SPOCK3: variants seen among roughly 807,000 people sequenced by gnomAD.
SPOCK3 encodes the protein SPARC (osteonectin), cwcv and kazal like domains proteoglycan 3, also known as testican-3.
Under a neutral mutation model 56.6 loss-of-function variants are expected in SPOCK3, and 30 were observed. The observed-to-expected ratio is 0.53, with a 90% confidence interval of 0.40 to 0.72. The LOEUF (loss-of-function observed/expected upper bound fraction) is 0.72. Among genes scored for constraint, SPOCK3 ranks in the 30% least tolerant of loss-of-function variants. The pLI is 0.00. For synonymous variants in SPOCK3, 196 were observed against 183.3 expected (o/e 1.07, Z -0.56); for missense variants, 527 against 530.0 (o/e 0.99, Z 0.06).
intron 2 of SPOCK3, among the ~76,000 whole-genome samples, chr4:167,094,986 A>G (rs968619848): frequency 5.9e-5 from 9 of 152,100 alleles, no homozygotes; most frequent in African/African-American, 2.2e-4. Flanking sequence ...TCTGAATCCA[A>G]GTTTGAAGGC....
At chr4:167,041,991 T>A (rs1753271344) in intron 3 of SPOCK3, among the ~76,000 whole-genome samples, 1 of 152,216 alleles carries the variant, frequency 6.6e-6, no homozygotes, top group African/African-American at 2.4e-5. Flanking sequence ...AACAATTTCA[T>A]GTTTAGATTT....
At chr4:167,133,696 T>A (rs931490257) in intron 2 of SPOCK3, among the ~76,000 whole-genome samples, 1 of 152,186 alleles carries the variant, frequency 6.6e-6, no homozygotes, top group Non-Finnish European at 1.5e-5. Flanking sequence ...AAGCTTGTTT[T>A]GTTTTCCCTT....
chr4:167,125,995 T>G (rs2150372172), intron 2 of SPOCK3, among the ~76,000 whole-genome samples: 1 of 152,308 alleles, frequency 6.6e-6, no homozygotes, highest in East Asian at 1.9e-4. Flanking sequence ...ACACACTTTA[T>G]TTTTACTCAT....
At chr4:166,792,466 A>G (rs1352576298) in intron 6 of SPOCK3, among the ~76,000 whole-genome samples, 177 bp from the exon 7 acceptor site, 1 of 152,214 alleles carries the variant, frequency 6.6e-6, no homozygotes, top group African/African-American at 2.4e-5. Flanking sequence ...ATATGACAAA[A>G]ACATTTTACT....
intron 2 of SPOCK3, among the ~76,000 whole-genome samples, chr4:167,069,658 C>T (rs970446686): frequency 2.0e-5 from 3 of 151,894 alleles, no homozygotes; most frequent in Non-Finnish European, 2.9e-5. Flanking sequence ...AGTGCATCTT[C>T]GGATACACAG....
At chr4:166,944,585 C>T (rs1052977866) in intron 4 of SPOCK3, among the ~76,000 whole-genome samples, 24 of 151,960 alleles carry the variant, frequency 1.6e-4, no homozygotes, top group African/African-American at 1.2e-4. Flanking sequence ...TTCCTTTAAA[C>T]ATTATAGATC....
chr4:166,783,389 A>G (rs549376425), intron 7 of SPOCK3, among the ~76,000 whole-genome samples: 20 of 152,292 alleles, frequency 1.3e-4, no homozygotes, highest in Non-Finnish European at 2.4e-4. Context: ...GGAAAACCAT[A>G]TAACTCAGGC....
At chr4:166,926,280 G>C (rs1055571602) in intron 4 of SPOCK3, among the ~76,000 whole-genome samples, 1 of 152,042 alleles carries the variant, frequency 6.6e-6, no homozygotes, top group Non-Finnish European at 1.5e-5. Context: ...TATTCATTGA[G>C]TCTCATATTC....
intron 2 of SPOCK3, among the ~76,000 whole-genome samples, chr4:167,229,844 C>T (rs986942403): frequency 2.0e-5 from 3 of 152,008 alleles, no homozygotes; most frequent in African/African-American, 7.2e-5. Flanking sequence ...GGATATTAAA[C>T]ATCACTTAAG....
intron 6 of SPOCK3, among the ~76,000 whole-genome samples, chr4:166,800,408 A>T (rs1021472398): frequency 2.0e-5 from 3 of 152,008 alleles, no homozygotes; most frequent in Non-Finnish European, 2.9e-5. Flanking sequence ...GAAGAATACC[A>T]GAAGGTATTT....
chr4:166,972,258 T>G (rs1745473939), intron 4 of SPOCK3, among the ~76,000 whole-genome samples: 2 of 152,154 alleles, frequency 1.3e-5, no homozygotes, highest in Admixed American at 1.3e-4. Context: ...ATAAGCATGA[T>G]TAAGTGTTTC....
At chr4:166,794,643 CTTTTTT>C (rs1170214198) in intron 6 of SPOCK3, among the ~76,000 whole-genome samples, 1 of 127,368 alleles carries the variant, frequency 7.9e-6, no homozygotes, top group Non-Finnish European at 1.7e-5. Context: ...TTCTTTCTTT[CTTTTTT>C]TTTTTTTTTT....
intron 8 of SPOCK3, among the ~76,000 whole-genome samples, chr4:166,746,287 C>G (rs1007745471): frequency 1.3e-5 from 2 of 152,318 alleles, no homozygotes; most frequent in South Asian, 2.1e-4. Flanking sequence ...TCATAACAAA[C>G]TGTCTCTCAG....
At chr4:167,016,753 G>T (rs1750668380) in intron 3 of SPOCK3, among the ~76,000 whole-genome samples, 1 of 152,000 alleles carries the variant, frequency 6.6e-6, no homozygotes, top group African/African-American at 2.4e-5. Flanking sequence ...TATTGGCAAG[G>T]CTGGTATTGA....
chr4:166,890,075 G>A (rs1734614699), intron 5 of SPOCK3, among the ~76,000 whole-genome samples: 1 of 151,766 alleles, frequency 6.6e-6, no homozygotes, highest in Non-Finnish European at 1.5e-5. Flanking sequence ...ATAAGATATT[G>A]TCACATATCT....
At position 167,118,391 on chromosome 4, in the gene SPOCK3, C is replaced by T. The variant is rs376183335; in HGVS notation, c.190-55854G>A. ...TGCTCCATAAGATTTCAAAGAATGC[C>T]TACCTCTAAAGTTCACTCTTAATTA... On this transcript the variant is annotated intron_variant, in intron 2 of 10. Transcript: ENST00000357545. Among the ~76,000 whole-genome samples, 38 of 152,184 alleles carry T rather than the reference C, an allele frequency of 2.5e-4. 1 individual carries two copies. Among genetic ancestry groups the T allele is most frequent in the African/African-American group, 7.9e-4 (33 of 41,514 alleles).
At chr4:167,004,394 A>G (rs1429223462) in intron 3 of SPOCK3, among the ~76,000 whole-genome samples, 1 of 152,208 alleles carries the variant, frequency 6.6e-6, no homozygotes, top group Non-Finnish European at 1.5e-5. Flanking sequence ...AGGACCAGTG[A>G]AATATAAAAT....
intron 2 of SPOCK3, among the ~76,000 whole-genome samples, chr4:167,217,096 T>A (rs1187719801): frequency 1.3e-5 from 2 of 152,064 alleles, no homozygotes; most frequent in South Asian, 4.1e-4. Context: ...TGAAAAAAAA[T>A]TTATGTGGCT....
chr4:166,848,530 G>T (rs1748337597), intron 6 of SPOCK3, among the ~76,000 whole-genome samples: 1 of 152,174 alleles, frequency 6.6e-6, no homozygotes, highest in Admixed American at 6.5e-5. Context: ...GAAATCCTTG[G>T]TGAGCTGCCA....
Sources: gnomAD v4.1 joint callset for allele counts (sites outside exome capture counted in the v4.1 genomes callset) on GRCh38, gnomAD v4.1.1 for gene constraint, MANE v1.5 for transcripts, NCBI Gene and HGNC (gene_info 2026-07-23, HGNC 2026-07-21) for gene names.